Variants in PTDSS2 observed in about 807,000 individuals in gnomAD.
PTDSS2 encodes PSS-2.
Under a neutral mutation model 64.7 loss-of-function variants are expected in PTDSS2, and 41 were observed. That is an observed-to-expected ratio of 0.63 (90% CI 0.49 to 0.82). The LOEUF (loss-of-function observed/expected upper bound fraction) is 0.82. Ranked by LOEUF, PTDSS2 falls within the 40% of genes least tolerant of loss-of-function variation. The pLI is 0.00. For missense variants in PTDSS2, 485 were observed against 650.0 expected, an observed-to-expected ratio of 0.75 and a Z score of 2.76; for synonymous variants, 297 against 277.8, an observed-to-expected ratio of 1.07 and a Z score of -0.69.
intron 4 of PTDSS2, among the ~76,000 whole-genome samples, chr11:485,917 G>A (rs1404594025): frequency 1.2e-4 from 9 of 76,700 alleles, no homozygotes; most frequent in African/African-American, 5.4e-4. Flanking sequence ...GCACGGGCGC[G>A]CGTGTGCTCA....
Position 476,659 on chromosome 11 carries a change from AG to A in PTDSS2, c.368-2424del, listed in dbSNP as rs1358008799. Among the ~76,000 whole-genome samples the A allele has an allele frequency of 6.6e-6, 1 of 152,126 alleles. No homozygotes were observed. Among genetic ancestry groups the A allele is most frequent in the Non-Finnish European group, 1.5e-5 (1 of 68,010 alleles). On this transcript the variant is annotated intron_variant, in intron 3 of 11. Coordinates refer to ENST00000308020, the MANE Select transcript of PTDSS2 (RefSeq NM_030783.3). The surrounding 1 kb of genome is among the most constrained non-coding windows in gnomAD (Gnocchi z 4.9). Reference sequence around the variant, plus strand: ...TCTGAGCAGTCAGGAGCTCTGGCGCAGGTCACCTGGCGGGATGTGGAGCATC... The same window carrying A: ...TCTGAGCAGTCAGGAGCTCTGGCGCAGTCACCTGGCGGGATGTGGAGCATC...
At position 453,862 on chromosome 11, in the gene PTDSS2, A is replaced by G. The variant is rs112291625; in HGVS notation, c.182+3225A>G. 1.9e-3 allele frequency among the ~76,000 whole-genome samples: 292 copies of G among 152,316 alleles called. 1 individual carries two copies. Among genetic ancestry groups the G allele is most frequent in the African/African-American group, 6.8e-3 (281 of 41,578 alleles). ...GGCAGCTGGGTCTTTTCCACTCCCC[A>G]TGGCAGGGAGCCAGCTGTCTTCACG... On this transcript the variant is annotated intron_variant, in intron 1 of 11. Transcript: ENST00000308020.
chr11:458,507 AT>A (rs3082636), intron 1 of PTDSS2, among the ~76,000 whole-genome samples: 20,021 of 93,802 alleles, frequency 0.21, 1,161 homozygotes, highest in African/African-American at 0.29. Context: ...GCCTGGCCTG[AT>A]TTTTTTTTTT....
At chr11:484,411 G>T (rs1848203301) in intron 4 of PTDSS2, among the ~76,000 whole-genome samples, 1 of 152,230 alleles carries the variant, frequency 6.6e-6, no homozygotes, top group Non-Finnish European at 1.5e-5. Context: ...CTGGGTGTTG[G>T]GTGGGCTGCG....
intron 2 of PTDSS2, chr11:463,159 C>T (rs1846969641): frequency 6.7e-6 from 1 of 148,430 alleles, no homozygotes; most frequent in South Asian, 2.1e-4. Context: ...AGCGAGACTC[C>T]GTCTCAAAAA....
chr11:484,581 G>GAGTT (rs1848211323), intron 4 of PTDSS2, among the ~76,000 whole-genome samples: 1 of 151,736 alleles, frequency 6.6e-6, no homozygotes, highest in Non-Finnish European at 1.5e-5. Flanking sequence ...GCAGGCATCT[G>GAGTT]TAAATAGTGC....
chr11:453,552 A>G (rs983767438), intron 1 of PTDSS2, among the ~76,000 whole-genome samples: 1 of 152,240 alleles, frequency 6.6e-6, no homozygotes, highest in Non-Finnish European at 1.5e-5. Flanking sequence ...TGACCTTCAG[A>G]TACCCCAGGT....
At chr11:488,507 G>C in intron 7 of PTDSS2, 22 bp from the exon 8 acceptor site, 2 of 1,599,556 alleles carry the variant, frequency 1.3e-6, no homozygotes, top group Non-Finnish European at 1.7e-6. Context: ...CCCCTGCAAC[G>C]AGTGCTGGCC....
rs180821285 is a variant in PTDSS2 at position 466,606 on chromosome 11, A to G, written c.284+6318A>G. Among the ~76,000 whole-genome samples, 317 of 151,950 alleles carry G rather than the reference A, an allele frequency of 2.1e-3. 5 individuals carry two copies. Among genetic ancestry groups the G allele is most frequent in the Middle Eastern group, 0.014 (4 of 294 alleles). Reference sequence around the variant, plus strand: ...TATTTTTTAATAGAGACGAGGTTTCACCATGTTGGCCAGGTTGGTCTGAAA... The same window carrying G: ...TATTTTTTAATAGAGACGAGGTTTCGCCATGTTGGCCAGGTTGGTCTGAAA... On this transcript the variant is annotated intron_variant, in intron 2 of 11. Transcript: ENST00000308020.
Position 450,502 on chromosome 11 carries a change from C to A in PTDSS2, c.47C>A (p.Ser16Tyr). Residue 16 changes from serine to tyrosine, a missense_variant, in exon 1 of 12, where the codon TCC becomes TAC. Coordinates refer to ENST00000308020, the MANE Select transcript of PTDSS2 (RefSeq NM_030783.3). ...GACGCCGGAGGTCCGCGGCCCGAGT[C>A]CCCGGTGCCCGCGGGCAGGGCCTCG... Reference protein sequence around the residue: ...RRDAGGPRPESPVPAGRASLE... With the variant: ...RRDAGGPRPEYPVPAGRASLE... 2 of 1,238,012 alleles carry A rather than the reference C, an allele frequency of 1.6e-6. No homozygotes were observed. The highest frequency in any genetic ancestry group is 2.0e-6 in the Non-Finnish European group (2 of 984,682). 76.7% of individuals were successfully genotyped at this position (1,238,012 alleles called of 1,614,324 possible).
chr11:486,850 AAAAAT>A (rs1848415784), intron 4 of PTDSS2, 84 bp from the exon 5 acceptor site: 10 of 1,491,684 alleles, frequency 6.7e-6, no homozygotes, highest in South Asian at 4.2e-5. Flanking sequence ...TCCATCTCAA[AAAAAT>A]AAAATAAATA....
At chr11:475,056 C>T (rs1304080350) in intron 3 of PTDSS2, among the ~76,000 whole-genome samples, 4 of 145,654 alleles carry the variant, frequency 2.7e-5, no homozygotes, top group South Asian at 2.2e-4. Context: ...GACATTCACG[C>T]GTTTGTGTGA....
chr11:485,762 T>C (rs2133833555), intron 4 of PTDSS2, among the ~76,000 whole-genome samples: 1 of 118,256 alleles, frequency 8.5e-6, no homozygotes, highest in South Asian at 2.6e-4. Flanking sequence ...GCGTAAACAG[T>C]GCACGGGCGC....
At chr11:471,816 G>A (rs1227785193) in intron 2 of PTDSS2, among the ~76,000 whole-genome samples, 21 of 136,652 alleles carry the variant, frequency 1.5e-4, no homozygotes, top group African/African-American at 5.6e-4. Context: ...CGTGGATGGC[G>A]GCCTGGGGTG....
Position 490,603 on chromosome 11 carries a change from T to C in PTDSS2, c.*21T>C, listed in dbSNP as rs117435122. 1.8e-5 allele frequency: 28 copies of C among 1,561,102 alleles called. No individual in the cohort carries two copies. Among genetic ancestry groups the C allele is most frequent in the Middle Eastern group, 1.8e-4 (1 of 5,448 alleles). On this transcript the variant is annotated 3_prime_UTR_variant, in exon 12 of 12. Transcript: ENST00000308020. ...ACTGACCTGGGCCGTGGCTGCCTCG[T>C]GAGCCTCCCAGAGCCCAGGCCTCCG...
rs1168283792 is a variant in PTDSS2 at position 470,427 on chromosome 11, C to T, written c.285-3468C>T. Among the ~76,000 whole-genome samples the T allele has an allele frequency of 1.3e-5, 2 of 152,128 alleles. No individual in the cohort carries two copies. Among genetic ancestry groups the T allele is most frequent in the African/African-American group, 4.8e-5 (2 of 41,414 alleles). On this transcript the variant is annotated intron_variant, in intron 2 of 11. Coordinates refer to ENST00000308020, the MANE Select transcript of PTDSS2 (RefSeq NM_030783.3). The surrounding 1 kb of genome is among the most constrained non-coding windows in gnomAD (Gnocchi z 5.3). ...GGAGAGTCTGAGAAACCGTCCCAGCCTCGGGGAGCCTGAAGAGACAGAACG... is the reference window on the plus strand; with the variant it reads ...GGAGAGTCTGAGAAACCGTCCCAGCTTCGGGGAGCCTGAAGAGACAGAACG...
intron 2 of PTDSS2, among the ~76,000 whole-genome samples, chr11:466,809 C>A (rs1018363565): frequency 1.3e-5 from 2 of 152,146 alleles, no homozygotes; most frequent in African/African-American, 2.4e-5. Context: ...TTCCCTCCCT[C>A]CACACGTGGG....
At chr11:459,944 C>T (rs1011043867) in intron 1 of PTDSS2, 1 of 514,714 alleles carries the variant, frequency 1.9e-6, no homozygotes, top group African/African-American at 1.9e-5. Flanking sequence ...CTTCAGCTTC[C>T]CAGGAACACG....
At chr11:455,175 G>C (rs1219973288) in intron 1 of PTDSS2, among the ~76,000 whole-genome samples, 1 of 152,202 alleles carries the variant, frequency 6.6e-6, no homozygotes, top group East Asian at 1.9e-4. Context: ...CGTTGATCTA[G>C]CTTCTGGGTC....
Sources: gnomAD v4.1 joint callset for allele counts (sites outside exome capture counted in the v4.1 genomes callset) on GRCh38, gnomAD v4.1.1 for gene constraint, Gnocchi (gnomAD v3.1) non-coding constraint, MANE v1.5 for transcripts, NCBI Gene and HGNC (gene_info 2026-07-23, HGNC 2026-07-21) for gene names.